The following IGFALS variants were observed in gnomAD, a reference collection of about 807,000 sequenced individuals.
IGFALS encodes insulin like growth factor binding protein acid labile subunit.
IGFALS carries 2 observed loss-of-function variants against 2.6 expected under a neutral mutation model. The observed-to-expected ratio is 0.77, with a 90% confidence interval of 0.32 to 2.44. IGFALS has a LOEUF of 2.44. Ranked by LOEUF, IGFALS falls within the 30% of genes most tolerant of loss-of-function variation. The probability of loss-of-function intolerance (pLI) is 0.11; values close to 1 mark genes in which losing one functional copy is unlikely to be tolerated. For synonymous variants in IGFALS, 519 were observed against 431.9 expected (o/e 1.20, Z -2.50); for missense variants, 996 against 848.7 (o/e 1.17, Z -2.16).
At position 1,790,545 on chromosome 16, in the gene IGFALS, G is replaced by C. The variant is rs1353926506; in HGVS notation, c.*55C>G. The stretch of plus-strand genomic sequence containing the variant: ...TGAGGACACTGAGGACCTGTCCCCA[G>C]CACAAGGTGAGCCAGGTGGGGGCCT... On this transcript the variant is annotated 3_prime_UTR_variant, in exon 2 of 2. Coordinates refer to ENST00000215539, the MANE Select transcript of IGFALS (RefSeq NM_004970.3). 2.1e-6 allele frequency: 3 copies of C among 1,453,712 alleles called. No homozygotes were observed. Among genetic ancestry groups the C allele is most frequent in the Non-Finnish European group, 2.8e-6 (3 of 1,061,756 alleles). 90.1% of individuals were successfully genotyped at this position (1,453,712 alleles called of 1,614,324 possible).
Position 1,792,085 on chromosome 16 carries a change from G to C in IGFALS, c.333C>G (p.Gly111=). The part of the protein sequence containing the change: ...GFLNLQGGQL[G]SLEPQALLGL... ...CCAGCAGCGCCTGTGGCTCCAGGCT[G>C]CCCAGCTGGCCGCCCTGCAGGTTGA... The change falls in exon 2 of 2, where the codon GGC becomes GGG. Residue 111 remains glycine, a synonymous_variant. Coordinates refer to ENST00000215539, the MANE Select transcript of IGFALS (RefSeq NM_004970.3). 1 of 1,609,702 alleles carries C rather than the reference G, an allele frequency of 6.2e-7. No homozygotes were observed. Among genetic ancestry groups the C allele is most frequent in the Non-Finnish European group, 8.5e-7 (1 of 1,179,084 alleles).
In IGFALS at chr16:1,792,354, G is replaced by A; in HGVS notation, c.64C>T (p.Pro22Ser). ...GGGTCTGCTCCCTCCAGGCTGCGGG[G>A]GCCCAGTGCCACCCAGGACAGCAGC... Reference protein sequence around the residue: ...LLLLSWVALGPRSLEGADPGT... With the variant: ...LLLLSWVALGSRSLEGADPGT... Residue 22 changes from proline to serine, a missense_variant, in exon 2 of 2, where the codon CCC becomes TCC. By Grantham distance (74) the Pro-to-Ser change is moderately conservative (BLOSUM62 -1). Coordinates refer to ENST00000215539, the MANE Select transcript of IGFALS (RefSeq NM_004970.3). 3 of 1,590,114 alleles carry A rather than the reference G, an allele frequency of 1.9e-6. No individual in the cohort carries two copies. The highest frequency in any genetic ancestry group is 1.3e-5 in the African/African-American group (1 of 74,816).
chr16:1,791,842 G>A lies in IGFALS; in HGVS notation c.576C>T (p.Gly192=). 4 of 1,550,688 alleles carry A rather than the reference G, an allele frequency of 2.6e-6. No homozygotes were observed. The highest frequency in any genetic ancestry group is 2.6e-6 in the Non-Finnish European group (3 of 1,149,030). ...GCACCAGCTCGCGCAGGCTGCCCAG[G>A]CCGCGGAACGCCGCATCGGGGAGCA... The part of the protein sequence containing the change: ...LAVLPDAAFR[G]LGSLRELVLA... The change falls in exon 2 of 2, where the codon GGC becomes GGT. Residue 192 remains glycine (G), a synonymous_variant. Transcript: ENST00000215539.
Position 1,790,431 on chromosome 16 carries a change from G to A in IGFALS, c.*169C>T, listed in dbSNP as rs1366008448. 1.5e-6 allele frequency: 1 copy of A among 683,406 alleles called. No homozygotes were observed. The highest frequency in any genetic ancestry group is 2.6e-6 in the Non-Finnish European group (1 of 378,176). 42.3% of individuals were successfully genotyped at this position (683,406 alleles called of 1,614,324 possible). A position where few individuals can be genotyped will look rare whatever the true frequency, so the allele number is the denominator to read the frequency against. ...GTGCCTGTTAGATTCGATTGCCTTTGCCTTTAATTGATGACAGCTGGGGGG... is the reference window on the plus strand; with the variant it reads ...GTGCCTGTTAGATTCGATTGCCTTTACCTTTAATTGATGACAGCTGGGGGG... On this transcript the variant is annotated 3_prime_UTR_variant, in exon 2 of 2. Transcript: ENST00000215539.
chr16:1,791,995 C>T lies in IGFALS; in HGVS notation c.423G>A (p.Thr141=), dbSNP rs576766282. 30 of 1,608,392 alleles carry T rather than the reference C, an allele frequency of 1.9e-5. No individual in the cohort carries two copies. The Middle Eastern group carries it at 5.0e-4, about 27-fold the overall frequency. The change falls in exon 2 of 2, where the codon ACG becomes ACA. Residue 141 remains threonine, a synonymous_variant. Coordinates refer to ENST00000215539, the MANE Select transcript of IGFALS (RefSeq NM_004970.3). ...AGGCCAGCGCGGGCGTGTGTGCAAA[C>T]GTGCCGAGTGCCAGGCTGCGCAGCT... is the stretch of plus-strand genomic sequence containing the variant. The part of the protein sequence containing the change: ...RNQLRSLALG[T]FAHTPALASL...
At chr16:1,792,496 C>T in intron 1 of IGFALS, 95 bp from the exon 2 acceptor site, 1 of 1,441,574 alleles carries the variant, frequency 6.9e-7, no homozygotes, top group South Asian at 1.5e-5. Context: ...CAGGTGTGAA[C>T]TGAGGCTCGA....
intron 1 of IGFALS, among the ~76,000 whole-genome samples, chr16:1,793,037 C>T (rs886478231): frequency 6.6e-6 from 1 of 152,178 alleles, no homozygotes; most frequent in East Asian, 1.9e-4. Flanking sequence ...GGACAAGGGG[C>T]CACAGGCCCC....
intron 1 of IGFALS, 83 bp from the exon 2 acceptor site, chr16:1,792,484 C>A (rs951946698): frequency 1.5e-5 from 22 of 1,454,858 alleles, no homozygotes; most frequent in Non-Finnish European, 1.9e-5. Context: ...GGAAGCGGCG[C>A]TCAGGTGTGA....
At position 1,791,089 on chromosome 16, in the gene IGFALS, G is replaced by T. The variant is rs1229839589; in HGVS notation, c.1329C>A (p.Ser443=). Residue 443 remains serine (S), a synonymous_variant, in exon 2 of 2, where the codon TCC becomes TCA. Transcript: ENST00000215539. ...LAELLELDLT[S]NQLTHLPHRL... is the part of the protein sequence containing the mutation. ...GGTGGGGCAGGTGCGTGAGCTGGTT[G>T]GAGGTCAGGTCGAGCTCCAGCAGCT... 1 of 1,599,968 alleles carries T rather than the reference G, an allele frequency of 6.3e-7. No individual in the cohort carries two copies. The highest frequency in any genetic ancestry group is 1.3e-5 in the African/African-American group (1 of 74,872).
upstream of IGFALS, chr16:1,794,869 C>T (rs938638700): frequency 7.1e-6 from 5 of 702,208 alleles, no homozygotes; most frequent in African/African-American, 8.7e-5. Context: ...CTGTGGGAAG[C>T]CGCCGGCCCA....
chr16:1,792,158 GAGAGGTTGTTGCCGTCC>G lies in IGFALS; in HGVS notation c.243_259del (p.Asp82ValfsTer94). ...CTGGAAGGCTGCCGGGGGGACGGAC[GAGAGGTTGTTGCCGTCC>G]AGCCACAGGGCTTGGGTGCCGCCCG... On this transcript the variant is annotated frameshift_variant, in exon 2 of 2. Transcript: ENST00000215539. LOFTEE classifies it low-confidence loss of function (END_TRUNC). 1 of 1,611,468 alleles carries G rather than the reference GAGAGGTTGTTGCCGTCC, an allele frequency of 6.2e-7. No homozygotes were observed. Among genetic ancestry groups the G allele is most frequent in the Non-Finnish European group, 8.5e-7 (1 of 1,179,718 alleles).
rs1272183516 is a variant in IGFALS at position 1,791,677 on chromosome 16, G to C, written c.741C>G (p.Leu247=). ...VFVQLPRLQK[L]YLDRNLIAAV... ...CAGCGATGAGGTTGCGGTCCAGGTA[G>C]AGTTTCTGGAGCCGGGGCAGCTGCA... Residue 247 remains leucine, a synonymous_variant, in exon 2 of 2, where the codon CTC becomes CTG. Transcript: ENST00000215539. 6.3e-7 allele frequency: 1 copy of C among 1,581,894 alleles called. No individual in the cohort carries two copies.
upstream of IGFALS, among the ~76,000 whole-genome samples, chr16:1,794,285 G>A (rs938305558): frequency 2.6e-5 from 4 of 152,172 alleles, no homozygotes; most frequent in East Asian, 1.9e-4. Flanking sequence ...CCCCAGGGGC[G>A]CTGGTGTCTG....
chr16:1,791,038 C>T lies in IGFALS; in HGVS notation c.1380G>A (p.Leu460=), dbSNP rs1249625154. ...GGTTGCGGGAGAGCAGCAGGTACTC[C>T]AGCTTGCCCAGGCCCTGGAAGAGGC... The part of the protein sequence containing the change: ...PHRLFQGLGK[L]EYLLLSRNRL... The change falls in exon 2 of 2, where the codon CTG becomes CTA. Residue 460 remains leucine, a synonymous_variant. Coordinates refer to ENST00000215539, the MANE Select transcript of IGFALS (RefSeq NM_004970.3). 1.3e-6 allele frequency: 2 copies of T among 1,598,502 alleles called. No individual in the cohort carries two copies. Among genetic ancestry groups the T allele is most frequent in the Non-Finnish European group, 1.7e-6 (2 of 1,179,814 alleles).
In IGFALS at chr16:1,791,424, G is replaced by C; in HGVS notation, c.994C>G (p.Arg332Gly). The C allele has an allele frequency of 6.2e-7, 1 of 1,612,060 alleles. No homozygotes were observed. Among genetic ancestry groups the C allele is most frequent in the African/African-American group, 1.3e-5 (1 of 75,064 alleles). The change falls in exon 2 of 2, where the codon CGC becomes GGC. Residue 332 changes from arginine (R) to glycine (G), a missense_variant. Coordinates refer to ENST00000215539, the MANE Select transcript of IGFALS (RefSeq NM_004970.3). The stretch of plus-strand genomic sequence containing the variant: ...AGCTGCCCCAGGCCCTCAAAGCTGC[G>C]CTCAGCCAGCTGCCGGATGCGGTTG... ...GHNRIRQLAERSFEGLGQLEV... is the reference protein window; with the variant it reads ...GHNRIRQLAEGSFEGLGQLEV...
rs754465141 is a variant in IGFALS, at chr16:1,792,160, G to C, written c.258C>G (p.Leu86=). ...GGAAGGCTGCCGGGGGGACGGACGAGAGGTTGTTGCCGTCCAGCCACAGGG... is the reference window on the plus strand; with the variant it reads ...GGAAGGCTGCCGGGGGGACGGACGACAGGTTGTTGCCGTCCAGCCACAGGG... ...TQALWLDGNN[L]SSVPPAAFQN... is the part of the protein sequence containing the mutation. The change falls in exon 2 of 2, where the codon CTC becomes CTG. Residue 86 remains leucine (L), a synonymous_variant. Coordinates refer to ENST00000215539, the MANE Select transcript of IGFALS (RefSeq NM_004970.3). 1 of 1,611,530 alleles carries C rather than the reference G, an allele frequency of 6.2e-7. No homozygotes were observed. The highest frequency in any genetic ancestry group is 8.5e-7 in the Non-Finnish European group (1 of 1,179,730).
At chr16:1,793,820 G>C (rs1311287607), upstream of IGFALS, 4 of 593,938 alleles carry the variant, frequency 6.7e-6, no homozygotes, top group Non-Finnish European at 1.2e-5. Flanking sequence ...CGGGCGGCCG[G>C]CATCAGCCCG....
chr16:1,791,233 G>T lies in IGFALS; in HGVS notation c.1185C>A (p.Gly395=). 6.2e-7 allele frequency: 1 copy of T among 1,608,622 alleles called. No individual in the cohort carries two copies. Among genetic ancestry groups the T allele is most frequent in the South Asian group, 1.1e-5 (1 of 91,086 alleles). Residue 395 remains glycine, a synonymous_variant, in exon 2 of 2, where the codon GGC becomes GGA. Transcript: ENST00000215539. ...LGKLHSLHLE[G]SCLGRIRPHT... ...GCGGGCGGATGCGTCCCAGGCAGCTGCCCTCCAGGTGCAGGCTGTGCAGCT... is the reference window on the plus strand; with the variant it reads ...GCGGGCGGATGCGTCCCAGGCAGCTTCCCTCCAGGTGCAGGCTGTGCAGCT...
chr16:1,794,706 C>A, upstream of IGFALS: 1 of 619,316 alleles, frequency 1.6e-6, no homozygotes, highest in Non-Finnish European at 2.9e-6. Context: ...TCAGTGGGGC[C>A]TGCCCACCAG....
Sources: allele counts gnomAD v4.1 joint callset (sites outside exome capture counted in the v4.1 genomes callset), GRCh38; gene constraint gnomAD v4.1.1; transcripts MANE v1.5; gene names NCBI Gene and HGNC (gene_info 2026-07-23, HGNC 2026-07-21).